SEMA5A: variants seen among roughly 807,000 people sequenced by gnomAD.
SEMA5A encodes the protein semaphorin-5A.
In SEMA5A, 55 loss-of-function variants were observed where a neutral mutation model predicts 135.5. The observed-to-expected ratio is 0.41, with a 90% CI of 0.33 to 0.51. The LOEUF (loss-of-function observed/expected upper bound fraction) is 0.51, where lower values mean the gene tolerates loss of function less well. SEMA5A is among the 20% of genes least tolerant of loss of function. SEMA5A has a pLI of 0.37. For missense variants in SEMA5A, 1,290 were observed against 1,419.9 expected (o/e 0.91, Z 1.47); for synonymous variants, 580 against 546.5 (o/e 1.06, Z -0.85).
At chr5:9,512,407 G>T (rs1222282718) in intron 1 of SEMA5A, among the ~76,000 whole-genome samples, 1 of 152,192 alleles carries the variant, frequency 6.6e-6, no homozygotes, top group African/African-American at 2.4e-5. Context: ...TTCAAATGAA[G>T]AAGCCAGAGC....
intron 1 of SEMA5A, among the ~76,000 whole-genome samples, chr5:9,474,225 C>T (rs1453958432): frequency 6.6e-6 from 1 of 152,100 alleles, no homozygotes; most frequent in African/African-American, 2.4e-5. Context: ...TACGTGGAGT[C>T]CGAGCATCCC....
Position 9,154,405 on chromosome 5 carries a change from A to G in SEMA5A, c.1481+83T>C, listed in dbSNP as rs1175683558. 4 of 1,311,542 alleles carry G rather than the reference A, an allele frequency of 3.0e-6. No homozygotes were observed. In the East Asian group the frequency reaches 7.1e-5, roughly 23 times the overall value. The allele number at this position is 1,311,542 out of a possible 1,614,324, so 81.2% of individuals were successfully genotyped here. The stretch of plus-strand genomic sequence containing the variant: ...GGTGGCTCTGAGGCCATTCAACTTC[A>G]GGGCATCTGAAGCCTCCCTGGCTCT... On this transcript the variant is annotated intron_variant, in intron 12 of 22. Coordinates refer to ENST00000382496, the MANE Select transcript of SEMA5A (RefSeq NM_003966.3).
chr5:9,378,368 C>A (rs137952933), intron 3 of SEMA5A, among the ~76,000 whole-genome samples: 1 of 152,206 alleles, frequency 6.6e-6, no homozygotes, highest in East Asian at 1.9e-4. Flanking sequence ...GAGAAAATCC[C>A]AGTTTTGTAC....
chr5:9,417,821 T>C (rs1284240852), intron 2 of SEMA5A, among the ~76,000 whole-genome samples: 1 of 152,120 alleles, frequency 6.6e-6, no homozygotes, highest in Non-Finnish European at 1.5e-5. Flanking sequence ...ACAAGAGAAA[T>C]GTATTTCCCT....
chr5:9,279,024 C>T (rs1243190882), intron 5 of SEMA5A, among the ~76,000 whole-genome samples: 1 of 152,160 alleles, frequency 6.6e-6, no homozygotes, highest in Non-Finnish European at 1.5e-5. Context: ...GGCCACCATC[C>T]TCCAGACCGT....
chr5:9,070,351 G>T (rs4701833), intron 16 of SEMA5A, among the ~76,000 whole-genome samples: 88 of 152,154 alleles, frequency 5.8e-4, no homozygotes, highest in African/African-American at 2.0e-3. Context: ...AGCCTGGGCA[G>T]CAGAGTGAGA....
intron 11 of SEMA5A, among the ~76,000 whole-genome samples, chr5:9,184,823 G>A (rs116196414): frequency 0.013 from 1,944 of 152,190 alleles, 43 homozygotes; most frequent in African/African-American, 0.045. Flanking sequence ...CTGCTGGGAT[G>A]CCTTCTATTC....
intron 6 of SEMA5A, among the ~76,000 whole-genome samples, chr5:9,235,518 G>C (rs194153): frequency 0.2 from 30,395 of 151,560 alleles, 3,632 homozygotes; most frequent in African/African-American, 0.34. Context: ...TGTTCATTCA[G>C]TCATTCAGTG....
At chr5:9,192,265 T>C (rs1040961814) in intron 10 of SEMA5A, among the ~76,000 whole-genome samples, 28 of 152,280 alleles carry the variant, frequency 1.8e-4, no homozygotes, top group Non-Finnish European at 2.9e-5. Context: ...CCTCTCAGTC[T>C]CTGTCTCTTT....
At position 9,262,908 on chromosome 5, in the gene SEMA5A, ATT is replaced by A. The variant is rs1749472514; in HGVS notation, c.271-25020_271-25019del. Among the ~76,000 whole-genome samples, 4 of 136,198 alleles carry A rather than the reference ATT, an allele frequency of 2.9e-5. No individual in the cohort carries two copies. The South Asian group carries it at 9.4e-4, about 32-fold the overall frequency. 89.4% of individuals were successfully genotyped at this position (136,198 alleles called of 152,430 possible). The stretch of plus-strand genomic sequence containing the variant: ...ACTTAGATTATAATAAAAAAAAAAA[ATT>A]AAAAAAAAAAAGAAAATATATTTCT... On this transcript the variant is annotated intron_variant, in intron 5 of 22. Transcript: ENST00000382496.
intron 1 of SEMA5A, among the ~76,000 whole-genome samples, chr5:9,447,991 C>G (rs1283320692): frequency 6.6e-6 from 1 of 152,160 alleles, no homozygotes; most frequent in African/African-American, 2.4e-5. Flanking sequence ...ACAACCTGAT[C>G]CAGTCGGACA....
intron 3 of SEMA5A, among the ~76,000 whole-genome samples, chr5:9,375,434 A>G (rs1178834302): frequency 6.6e-6 from 1 of 151,972 alleles, no homozygotes; most frequent in African/African-American, 2.4e-5. Context: ...TGATGTGTCC[A>G]TGAGCAAAGG....
At chr5:9,398,864 CAT>C (rs1756522571) in intron 2 of SEMA5A, among the ~76,000 whole-genome samples, 1 of 152,310 alleles carries the variant, frequency 6.6e-6, no homozygotes, top group South Asian at 2.1e-4. Flanking sequence ...CTTGAATTCA[CAT>C]GTGTCTGAAT....
chr5:9,125,463 TA>T (rs1194892854), intron 13 of SEMA5A, among the ~76,000 whole-genome samples: 1 of 152,230 alleles, frequency 6.6e-6, no homozygotes, highest in East Asian at 1.9e-4. Flanking sequence ...CCACATGCAT[TA>T]GGTATTTGTC....
At chr5:9,291,310 A>G (rs1579290284) in intron 5 of SEMA5A, among the ~76,000 whole-genome samples, 1 of 152,128 alleles carries the variant, frequency 6.6e-6, no homozygotes. Context: ...CCTGCATGCA[A>G]CCTGCTGGTC....
At chr5:9,326,901 T>C (rs1171117088) in intron 4 of SEMA5A, among the ~76,000 whole-genome samples, 1 of 152,248 alleles carries the variant, frequency 6.6e-6, no homozygotes, top group African/African-American at 2.4e-5. Context: ...TTAAATATAA[T>C]GATTTAATTT....
chr5:9,392,179 C>G (rs554987447), intron 2 of SEMA5A, among the ~76,000 whole-genome samples: 2 of 152,266 alleles, frequency 1.3e-5, no homozygotes, highest in South Asian at 4.1e-4. Context: ...GGCTAAAGTA[C>G]CTCCCTTTTA....
At position 9,119,024 on chromosome 5, in the gene SEMA5A, C is replaced by A. The variant is rs748950563; in HGVS notation, c.1899G>T (p.Val633=). Reference sequence around the variant, plus strand: ...TTTCCTCGCGGTTCTGTCCCACGCACACCCGGCCCCCGTGCCTGGGAGTGG... The same window carrying A: ...TTTCCTCGCGGTTCTGTCCCACGCAAACCCGGCCCCCGTGCCTGGGAGTGG... ...SNPTPRHGGR[V]CVGQNREERY... The change falls in exon 15 of 23, where the codon GTG becomes GTT. Residue 633 remains valine, a synonymous_variant. Coordinates refer to ENST00000382496, the MANE Select transcript of SEMA5A (RefSeq NM_003966.3). 3 of 1,613,614 alleles carry A rather than the reference C, an allele frequency of 1.9e-6. No homozygotes were observed. Among genetic ancestry groups the A allele is most frequent in the Non-Finnish European group, 2.5e-6 (3 of 1,179,886 alleles).
At chr5:9,273,856 G>A (rs898621834) in intron 5 of SEMA5A, among the ~76,000 whole-genome samples, 11 of 152,014 alleles carry the variant, frequency 7.2e-5, no homozygotes, top group African/African-American at 2.7e-4. Flanking sequence ...ACATGGAAAG[G>A]AACAACCAGT....
Sources: allele counts gnomAD v4.1 joint callset (sites outside exome capture counted in the v4.1 genomes callset), GRCh38; gene constraint gnomAD v4.1.1; transcripts MANE v1.5; gene names NCBI Gene and HGNC (gene_info 2026-07-23, HGNC 2026-07-21).